The following TANC1 variants were observed in gnomAD, a reference collection of about 807,000 sequenced individuals.
TANC1 encodes tetratricopeptide repeat, ankyrin repeat and coiled-coil containing 1.
TANC1 carries 77 observed loss-of-function variants against 149.7 expected under a neutral mutation model. The observed-to-expected ratio is 0.51, with a 90% CI of 0.43 to 0.62. TANC1 has a LOEUF of 0.62. TANC1 is among the 20% of genes least tolerant of loss of function. The probability of loss-of-function intolerance (pLI) is 0.00; values close to 1 mark genes in which losing one functional copy is unlikely to be tolerated. For synonymous variants in TANC1, 854 were observed against 925.0 expected (o/e 0.92, Z 1.39); for missense variants, 1,985 against 2,321.8 (o/e 0.85, Z 2.98).
At chr2:159,181,599 C>T (rs986328237) in intron 14 of TANC1, among the ~76,000 whole-genome samples, 3 of 152,220 alleles carry the variant, frequency 2.0e-5, no homozygotes, top group African/African-American at 7.2e-5. Flanking sequence ...GCCCGGCCCC[C>T]TCGTTAGATT....
At chr2:159,062,443 A>G (rs1043958222) in intron 2 of TANC1, among the ~76,000 whole-genome samples, 7 of 152,208 alleles carry the variant, frequency 4.6e-5, no homozygotes, top group African/African-American at 1.7e-4. Flanking sequence ...GTTCAAGTGC[A>G]TGACAGCTCA....
intron 7 of TANC1, 39 bp downstream of exon 7, chr2:159,150,595 C>T: frequency 6.6e-7 from 1 of 1,513,654 alleles, no homozygotes. Context: ...TGGCTCGAAT[C>T]TCATCAACCA....
chr2:159,143,575 AAAAAAAAAATGG>A (rs2051700494), intron 5 of TANC1, among the ~76,000 whole-genome samples: 1 of 150,444 alleles, frequency 6.6e-6, no homozygotes, highest in African/African-American at 2.4e-5. Context: ...AAAAAAAAAA[AAAAAAAAAATGG>A]AAATTGCTGA....
chr2:159,199,552 G>A (rs1445100997), intron 19 of TANC1, among the ~76,000 whole-genome samples: 5 of 152,210 alleles, frequency 3.3e-5, no homozygotes, highest in East Asian at 1.9e-4. Context: ...GCAAGCTATC[G>A]GGTCATTTCC....
At chr2:159,207,581 T>C (rs954422910) in intron 19 of TANC1, among the ~76,000 whole-genome samples, 1 of 151,264 alleles carries the variant, frequency 6.6e-6, no homozygotes, top group Admixed American at 6.6e-5. Flanking sequence ...GTACCTGTAA[T>C]CTCAGCTACT....
At chr2:159,174,065 T>C (rs1190472824) in intron 11 of TANC1, among the ~76,000 whole-genome samples, 7 of 152,170 alleles carry the variant, frequency 4.6e-5, no homozygotes, top group Non-Finnish European at 4.4e-5. Flanking sequence ...AGGCAGATAC[T>C]CCCAAAAAAC....
chr2:159,150,962 T>C (rs1479040344), intron 7 of TANC1, among the ~76,000 whole-genome samples: 1 of 152,146 alleles, frequency 6.6e-6, no homozygotes, highest in African/African-American at 2.4e-5. Flanking sequence ...TTCCTGATGA[T>C]AGCTCAGGCG....
chr2:158,980,375 A>T lies in TANC1; in HGVS notation c.-126+11593A>T, dbSNP rs186051879. ...AATACTTAAAAATCAAATCGCAGAC[A>T]TCATGTAATTTTGCCTGACTAACTT... is the stretch of plus-strand genomic sequence containing the variant. On this transcript the variant is annotated intron_variant, in intron 1 of 26. Transcript: ENST00000263635. Among the ~76,000 whole-genome samples, 3 of 152,248 alleles carry T rather than the reference A, an allele frequency of 2.0e-5. No individual in the cohort carries two copies. In the East Asian group the frequency reaches 5.8e-4, roughly 29 times the overall value.
At chr2:158,980,683 G>A (rs1314675647) in intron 1 of TANC1, among the ~76,000 whole-genome samples, 1 of 151,488 alleles carries the variant, frequency 6.6e-6, no homozygotes, top group Non-Finnish European at 1.5e-5. Flanking sequence ...GCTGAGGCAG[G>A]AGAATGGCGT....
chr2:159,154,993 C>A (rs1158077225), intron 7 of TANC1, among the ~76,000 whole-genome samples: 1 of 152,148 alleles, frequency 6.6e-6, no homozygotes, highest in South Asian at 2.1e-4. Context: ...TTGCTTCCAA[C>A]TGTTACAAAT....
intron 4 of TANC1, among the ~76,000 whole-genome samples, chr2:159,114,038 G>T (rs1275159811): frequency 2.0e-5 from 3 of 152,174 alleles, no homozygotes; most frequent in Admixed American, 2.0e-4. Context: ...TTCCTGAAGT[G>T]TGTGTTGCTT....
At chr2:159,051,060 G>C (rs1160844540) in intron 2 of TANC1, among the ~76,000 whole-genome samples, 1 of 152,180 alleles carries the variant, frequency 6.6e-6, no homozygotes, top group African/African-American at 2.4e-5. Flanking sequence ...TGAAAACTTA[G>C]TACATCTGTG....
intron 5 of TANC1, among the ~76,000 whole-genome samples, chr2:159,138,488 G>A (rs2051012914): frequency 1.3e-5 from 2 of 152,146 alleles, no homozygotes; most frequent in Admixed American, 1.3e-4. Flanking sequence ...AGTCTGCCAT[G>A]TCAAAGTGTA....
In TANC1 at chr2:159,020,870, C is replaced by CT. The variant is rs762059809; in HGVS notation, c.-16+19694dup. ...ACCTGTGGTGTGGGGCAGTCAGTCT[C>CT]TTTTTTTTTTTTTCCTGGCCTCGGG... On this transcript the variant is annotated intron_variant, in intron 2 of 26. Coordinates refer to ENST00000263635, the MANE Select transcript of TANC1 (RefSeq NM_033394.3). Among the ~76,000 whole-genome samples the CT allele has an allele frequency of 6.4e-3, 917 of 144,060 alleles. 6 individuals are homozygous for CT. The highest frequency in any genetic ancestry group is 9.4e-3 in the Non-Finnish European group (613 of 65,390). The allele number at this position is 144,060 out of a possible 152,430, so 94.5% of individuals were successfully genotyped here.
At chr2:159,089,122 C>A (rs149952119) in intron 3 of TANC1, among the ~76,000 whole-genome samples, 73 of 152,256 alleles carry the variant, frequency 4.8e-4, no homozygotes, top group African/African-American at 1.7e-3. Context: ...TTGCTATCCT[C>A]CCCCTTCCAC....
At chr2:159,009,476 A>G (rs1559127698) in intron 2 of TANC1, among the ~76,000 whole-genome samples, 1 of 152,232 alleles carries the variant, frequency 6.6e-6, no homozygotes, top group Non-Finnish European at 1.5e-5. Flanking sequence ...CACTATGTCA[A>G]GTGAAATAAG....
At chr2:159,186,701 G>T in intron 15 of TANC1, 1 of 582,560 alleles carries the variant, frequency 1.7e-6, no homozygotes, top group Non-Finnish European at 3.0e-6. Context: ...CCTAGTGAAG[G>T]CAGGCTGGTT....
At chr2:159,151,747 C>G (rs2052832079) in intron 7 of TANC1, among the ~76,000 whole-genome samples, 2 of 152,010 alleles carry the variant, frequency 1.3e-5, no homozygotes, top group Non-Finnish European at 2.9e-5. Context: ...TAGAGGGGCC[C>G]CTCAGCTTAA....
intron 18 of TANC1, 67 bp downstream of exon 18, chr2:159,196,860 C>A: frequency 3.5e-6 from 5 of 1,439,014 alleles, no homozygotes; most frequent in Non-Finnish European, 4.7e-6. Flanking sequence ...AGTTGACACA[C>A]TGAAGGACCG....
Sources: gnomAD v4.1 joint callset for allele counts (sites outside exome capture counted in the v4.1 genomes callset) on GRCh38, gnomAD v4.1.1 for gene constraint, MANE v1.5 for transcripts, NCBI Gene and HGNC (gene_info 2026-07-23, HGNC 2026-07-21) for gene names.